The following SYNC variants were observed in gnomAD, a reference collection of about 807,000 sequenced individuals.
SYNC encodes the protein syncoilin, intermediate filament protein.
In SYNC, 38 loss-of-function variants were observed where a neutral mutation model predicts 49.5. The ratio of observed to expected loss-of-function variants is 0.77; its 90% CI spans 0.59 to 1.01. The LOEUF (loss-of-function observed/expected upper bound fraction) is 1.01, where lower values mean the gene tolerates loss of function less well. Ranked by LOEUF, SYNC falls within the 50% of genes least tolerant of loss-of-function variation. The probability of loss-of-function intolerance (pLI) is 0.00; values close to 1 mark genes in which losing one functional copy is unlikely to be tolerated. For synonymous variants in SYNC, 201 were observed against 230.8 expected, an observed-to-expected ratio of 0.87 and a Z score of 1.17; for missense variants, 579 against 580.6, an observed-to-expected ratio of 1.00 and a Z score of 0.03.
chr1:32,687,833 A>AATTATTATTATTATT (rs148661520), intron 2 of SYNC, among the ~76,000 whole-genome samples: 2,565 of 38,206 alleles, frequency 0.067, 111 homozygotes, highest in African/African-American at 0.11. Context: ...CTGCCCAGTG[A>AATTATTATTATTATT]ATTATTATTA....
At chr1:32,685,289 A>T (rs1290882892) in intron 2 of SYNC, 1 of 152,180 alleles carries the variant, frequency 6.6e-6, no homozygotes, top group Non-Finnish European at 1.5e-5. Context: ...GCATTCTGTA[A>T]ATTTTCCCTG....
chr1:32,694,733 AT>A, intron 2 of SYNC, 131 bp downstream of exon 2: 1 of 832,632 alleles, frequency 1.2e-6, no homozygotes, highest in South Asian at 2.0e-5. Flanking sequence ...TGGAGAAAAA[AT>A]TGCGTGGCCC....
intron 2 of SYNC, among the ~76,000 whole-genome samples, chr1:32,686,860 T>G (rs958547031): frequency 6.6e-6 from 1 of 152,206 alleles, no homozygotes; most frequent in Non-Finnish European, 1.5e-5. Context: ...GAGCTCATAC[T>G]CAAGGTAACA....
Position 32,696,030 on chromosome 1 carries a change from T to G in SYNC, c.68A>C (p.Glu23Ala), listed in dbSNP as rs1209342528. 1 of 1,535,062 alleles carries G rather than the reference T, an allele frequency of 6.5e-7. No homozygotes were observed. Among genetic ancestry groups the G allele is most frequent in the Admixed American group, 2.0e-5 (1 of 50,396 alleles). ...GTTCTTTGGAAGAGGAGAATTGGCCTCTACTCTTGTTTTCCTGCAAAAGAA... is the reference window on the plus strand; with the variant it reads ...GTTCTTTGGAAGAGGAGAATTGGCCGCTACTCTTGTTTTCCTGCAAAAGAA... The part of the protein sequence containing the change: ...AAQAARKTRV[E>A]ANSPLPKNSG... The change falls in exon 2 of 5, where the codon GAG becomes GCG. Residue 23 changes from glutamate (E) to alanine (A), a missense_variant. Transcript: ENST00000409190.
chr1:32,685,120 G>C (rs888939991), intron 2 of SYNC: 1 of 152,286 alleles, frequency 6.6e-6, no homozygotes, highest in Non-Finnish European at 1.5e-5. Context: ...AAAGTGCTGG[G>C]ATTACAGGTG....
chr1:32,698,463 G>A (rs1015171695), intron 1 of SYNC, among the ~76,000 whole-genome samples: 1 of 152,150 alleles, frequency 6.6e-6, no homozygotes, highest in Non-Finnish European at 1.5e-5. Context: ...AGCTTGCAGT[G>A]AGCCCAGATT....
rs910094294 is a variant in SYNC at position 32,684,319 on chromosome 1, G to T, written c.1297C>A (p.Gln433Lys). Residue 433 changes from glutamine to lysine, a missense_variant, in exon 3 of 5, where the codon CAG becomes AAG. Gln to Lys is a moderately conservative substitution (Grantham distance 53). Coordinates refer to ENST00000409190, the MANE Select transcript of SYNC (RefSeq NM_030786.3). ...AGCTGTTCCATCTCTTTGTTCTTCT[G>T]TTGCTGGAGTTGCACCCCATTTCTT... ...QLRNGVQLQQ[Q>K]KNKEMEQLRL... is the part of the protein sequence containing the mutation. The T allele has an allele frequency of 1.2e-6, 2 of 1,614,118 alleles. No individual in the cohort carries two copies. The highest frequency in any genetic ancestry group is 2.7e-5 in the African/African-American group (2 of 75,022).
chr1:32,688,355 C>CAAGTACAT (rs1461678182), intron 2 of SYNC, among the ~76,000 whole-genome samples: 2 of 152,114 alleles, frequency 1.3e-5, no homozygotes, highest in Non-Finnish European at 2.9e-5. Context: ...TAAAGAACTT[C>CAAGTACAT]AAGTACATAC....
At chr1:32,692,486 C>T (rs1026029002) in intron 2 of SYNC, among the ~76,000 whole-genome samples, 10 of 152,304 alleles carry the variant, frequency 6.6e-5, no homozygotes, top group Admixed American at 2.0e-4. Flanking sequence ...TGGTGGCTTA[C>T]GCCTGTAATC....
At chr1:32,694,174 G>A (rs1045545217) in intron 2 of SYNC, among the ~76,000 whole-genome samples, 2 of 152,096 alleles carry the variant, frequency 1.3e-5, no homozygotes, top group African/African-American at 4.8e-5. Flanking sequence ...GGTGCAGTGA[G>A]CCCTCAAGAT....
At chr1:32,688,005 T>C (rs1270001334) in intron 2 of SYNC, among the ~76,000 whole-genome samples, 1 of 151,748 alleles carries the variant, frequency 6.6e-6, no homozygotes, top group Non-Finnish European at 1.5e-5. Context: ...GGCCTAATTT[T>C]TGTATTTTTA....
chr1:32,695,305 G>A lies in SYNC; in HGVS notation c.793C>T (p.Gln265Ter). The change falls in exon 2 of 5, where the codon CAG becomes TAG. Residue 265 changes from glutamine to a stop codon, truncating the protein, a stop_gained. Coordinates refer to ENST00000409190, the MANE Select transcript of SYNC (RefSeq NM_030786.3). LOFTEE classifies it high-confidence loss of function. ...AAATCGGCAAACTGAGCCACGTCCT[G>A]CTGGCGGCACTCCAGCTGGTATTGG... ...AYQYQLECRQ[Q>*]DVAQFADFRE... 1 of 1,551,646 alleles carries A rather than the reference G, an allele frequency of 6.4e-7. No individual in the cohort carries two copies. Among genetic ancestry groups the A allele is most frequent in the Non-Finnish European group, 8.7e-7 (1 of 1,147,054 alleles).
intron 3 of SYNC, 25 bp from the exon 4 acceptor site, chr1:32,684,114 C>A: frequency 1.2e-6 from 2 of 1,612,200 alleles, no homozygotes; most frequent in Admixed American, 1.7e-5. Context: ...AGCCATTTTC[C>A]ATGTGTTTTT....
Position 32,695,257 on chromosome 1 carries a change from C to G in SYNC, c.841G>C (p.Ala281Pro). 1 of 1,551,900 alleles carries G rather than the reference C, an allele frequency of 6.4e-7. No homozygotes were observed. Among genetic ancestry groups the G allele is most frequent in the Non-Finnish European group, 8.7e-7 (1 of 1,147,142 alleles). ...GCCAGTTCCTCTGAGAGCTGGGTTG[C>G]CCTTGTAGTCAGCACTTCCCGGAAA... ...ADFREVLTTR[A>P]TQLSEELAQL... Residue 281 changes from alanine to proline, a missense_variant, in exon 2 of 5, where the codon GCA (alanine) becomes CCA (proline). Transcript: ENST00000409190.
chr1:32,694,851 C>T lies in SYNC; in HGVS notation c.1233+14G>A. ...TTAAAAGACCTCAGTTCTTTTCATG[C>T]CCAATGGGCCTACCCTGTACTGCTG... On this transcript the variant is annotated intron_variant, in intron 2 of 4. Coordinates refer to ENST00000409190, the MANE Select transcript of SYNC (RefSeq NM_030786.3). 6.5e-7 allele frequency: 1 copy of T among 1,549,488 alleles called. No homozygotes were observed. Among genetic ancestry groups the T allele is most frequent in the Middle Eastern group, 1.7e-4 (1 of 5,744 alleles).
chr1:32,683,774 A>G (rs1649610870), intron 4 of SYNC: 1 of 445,994 alleles, frequency 2.2e-6, no homozygotes, highest in Non-Finnish European at 4.1e-6. Context: ...CTGGGATTAT[A>G]AGTGCCTGCC....
intron 1 of SYNC, among the ~76,000 whole-genome samples, chr1:32,699,155 T>TTC (rs1163443600): frequency 6.7e-4 from 87 of 130,000 alleles, no homozygotes; most frequent in Admixed American, 1.2e-3. Flanking sequence ...TTTCTTTTCT[T>TTC]TTTTTTTTTT....
intron 2 of SYNC, among the ~76,000 whole-genome samples, chr1:32,690,018 TA>T (rs1293257519): frequency 5.3e-5 from 8 of 151,286 alleles, no homozygotes; most frequent in Admixed American, 5.3e-4. Flanking sequence ...AAAGAAAAAT[TA>T]GGGACCTCAG....
chr1:32,699,914 A>G (rs370848328), intron 1 of SYNC, among the ~76,000 whole-genome samples: 1 of 151,854 alleles, frequency 6.6e-6, no homozygotes, highest in African/African-American at 2.4e-5. Context: ...TTGTATTTTT[A>G]GAAGAGACAG....
Sources: gnomAD v4.1 joint callset for allele counts (sites outside exome capture counted in the v4.1 genomes callset) on GRCh38, gnomAD v4.1.1 for gene constraint, MANE v1.5 for transcripts, NCBI Gene and HGNC (gene_info 2026-07-23, HGNC 2026-07-21) for gene names.